Variants in PDE1A observed in about 807,000 individuals in gnomAD.
The protein encoded by PDE1A is phosphodiesterase 1A.
PDE1A carries 35 observed loss-of-function variants against 61.7 expected under a neutral mutation model. The ratio of observed to expected loss-of-function variants is 0.57; its 90% CI spans 0.43 to 0.75. The LOEUF is 0.75. Ranked by LOEUF, PDE1A falls within the 30% of genes least tolerant of loss-of-function variation. The pLI, the probability that PDE1A is intolerant of heterozygous loss-of-function variation, is 0.00. For synonymous variants in PDE1A, 232 were observed against 213.2 expected (o/e 1.09, Z -0.77); for missense variants, 597 against 630.6 (o/e 0.95, Z 0.57).
At chr2:182,401,978 G>A (rs879220458) in intron 1 of PDE1A, among the ~76,000 whole-genome samples, 2 of 152,012 alleles carry the variant, frequency 1.3e-5, no homozygotes, top group Admixed American at 6.6e-5. Context: ...GGATGAGAAG[G>A]ACCTCTCAAG....
rs73036260 is a variant in PDE1A at position 182,287,160 on chromosome 2, A to G, written c.54-22746T>C. Among the ~76,000 whole-genome samples the G allele has an allele frequency of 9.3e-3, 1,421 of 152,046 alleles. 18 individuals carry two copies. The highest frequency in any genetic ancestry group is 0.032 in the African/African-American group (1,320 of 41,498). On this transcript the variant is annotated intron_variant, in intron 1 of 13. Coordinates refer to ENST00000351439, the Ensembl canonical transcript of PDE1A. ...ATCTTCTGAAACAAACTCTTCCCCT[A>G]TGATCTTTATACCAGCTCTTCTTTC...
the PDE1A span, among the ~76,000 whole-genome samples, chr2:182,616,874 T>C: frequency 6.6e-6 from 1 of 152,046 alleles, no homozygotes; most frequent in Non-Finnish European, 1.5e-5. Flanking sequence ...TGCAGCCAGG[T>C]TGAGATCCAT....
intron 2 of PDE1A, among the ~76,000 whole-genome samples, chr2:182,454,887 A>T (rs1685795463): frequency 7.3e-6 from 1 of 137,136 alleles, no homozygotes; most frequent in African/African-American, 2.5e-5. Flanking sequence ...AATGGCAACA[A>T]AAGACAAAAT....
At chr2:182,173,254 C>T (rs1351292256) in intron 13 of PDE1A, among the ~76,000 whole-genome samples, 1 of 151,958 alleles carries the variant, frequency 6.6e-6, no homozygotes, top group Non-Finnish European at 1.5e-5. Flanking sequence ...ATCAAGTAGT[C>T]CAGATGATGC....
chr2:182,328,847 A>C (rs1000356048), intron 1 of PDE1A, among the ~76,000 whole-genome samples: 1 of 152,178 alleles, frequency 6.6e-6, no homozygotes, highest in African/African-American at 2.4e-5. Context: ...ATTTAGAATC[A>C]AAGTAACATT....
chr2:182,473,498 T>C (rs1687165203), intron 2 of PDE1A, among the ~76,000 whole-genome samples: 1 of 151,908 alleles, frequency 6.6e-6, no homozygotes, highest in Non-Finnish European at 1.5e-5. Context: ...TTTCTTTTTT[T>C]ATACTTTTAA....
chr2:182,344,601 A>G (rs1394420070), intron 1 of PDE1A, among the ~76,000 whole-genome samples: 1 of 152,232 alleles, frequency 6.6e-6, no homozygotes, highest in Admixed American at 6.5e-5. Flanking sequence ...AGAAATATTC[A>G]GTACCAAAAG....
intron 1 of PDE1A, among the ~76,000 whole-genome samples, chr2:182,387,051 G>A (rs1429516529): frequency 2.0e-5 from 3 of 152,220 alleles, no homozygotes; most frequent in Admixed American, 6.5e-5. Context: ...AGACATGGGA[G>A]ACTTCATTTT....
intron 1 of PDE1A, among the ~76,000 whole-genome samples, chr2:182,277,941 C>T (rs778435563): frequency 6.6e-5 from 10 of 151,996 alleles, no homozygotes; most frequent in Non-Finnish European, 1.0e-4. Flanking sequence ...GACAAGGTTA[C>T]ACTGAACAAC....
chr2:182,530,926 A>G, the PDE1A span, among the ~76,000 whole-genome samples: 19 of 152,248 alleles, frequency 1.2e-4, no homozygotes, highest in African/African-American at 4.6e-4. Flanking sequence ...TGAAGCAATA[A>G]TTATATCATC....
chr2:182,202,624 T>C (rs925376325), intron 8 of PDE1A, among the ~76,000 whole-genome samples: 1 of 152,084 alleles, frequency 6.6e-6, no homozygotes, highest in African/African-American at 2.4e-5. Flanking sequence ...GTGCCAAGCT[T>C]CCATCATAAG....
intron 1 of PDE1A, among the ~76,000 whole-genome samples, chr2:182,392,157 T>A (rs548348654): frequency 6.6e-6 from 1 of 152,250 alleles, no homozygotes; most frequent in African/African-American, 2.4e-5. Context: ...GACTGGGCAA[T>A]TTATAAAGAA....
the PDE1A span, among the ~76,000 whole-genome samples, chr2:182,609,919 T>A: frequency 6.6e-6 from 1 of 152,060 alleles, no homozygotes; most frequent in Non-Finnish European, 1.5e-5. Context: ...AAAACCCCAT[T>A]TCTACTGAAA....
intron 1 of PDE1A, among the ~76,000 whole-genome samples, chr2:182,402,210 T>C (rs768678531): frequency 1.3e-4 from 20 of 152,306 alleles, no homozygotes; most frequent in Admixed American, 2.0e-4. Flanking sequence ...ACAGCCCGCA[T>C]AGCAAAGACA....
chr2:182,195,292 T>C (rs918060942), intron 10 of PDE1A, among the ~76,000 whole-genome samples: 5 of 152,034 alleles, frequency 3.3e-5, no homozygotes, highest in Non-Finnish European at 7.4e-5. Context: ...TTCCTCACAT[T>C]TGAAGCCCTC....
At chr2:182,345,718 T>C (rs1698480202) in intron 1 of PDE1A, among the ~76,000 whole-genome samples, 1 of 152,172 alleles carries the variant, frequency 6.6e-6, no homozygotes, top group Admixed American at 6.6e-5. Context: ...CCAGGTTCTG[T>C]GTGGCTTGTT....
At chr2:182,429,528 A>G (rs1212694847), upstream of PDE1A, among the ~76,000 whole-genome samples, 3 of 152,058 alleles carry the variant, frequency 2.0e-5, no homozygotes, top group Non-Finnish European at 4.4e-5. Flanking sequence ...AGGCTGACTT[A>G]GTCTAACACG....
intron 6 of PDE1A, among the ~76,000 whole-genome samples, chr2:182,224,798 T>G (rs1251779757): frequency 2.0e-5 from 3 of 151,950 alleles, no homozygotes; most frequent in Non-Finnish European, 2.9e-5. Context: ...CTAGCCACAT[T>G]ACATATGCCC....
the PDE1A span, among the ~76,000 whole-genome samples, chr2:182,561,773 T>A: frequency 6.6e-6 from 1 of 152,098 alleles, no homozygotes; most frequent in East Asian, 1.9e-4. Context: ...GTCCTTCACA[T>A]CCCTTGTAAG....
Sources: allele counts gnomAD v4.1 joint callset (sites outside exome capture counted in the v4.1 genomes callset), GRCh38; gene constraint gnomAD v4.1.1; transcripts MANE v1.5; gene names NCBI Gene and HGNC (gene_info 2026-07-23, HGNC 2026-07-21).